SMAP1: variants seen among roughly 807,000 people sequenced by gnomAD.
SMAP1 encodes the protein small ArfGAP 1.
Under a neutral mutation model 58.5 loss-of-function variants are expected in SMAP1, and 24 were observed. The observed-to-expected ratio is 0.41, with a 90% CI of 0.30 to 0.58. The LOEUF (loss-of-function observed/expected upper bound fraction) is 0.58, where lower values mean the gene tolerates loss of function less well. Ranked by LOEUF, SMAP1 falls within the 20% of genes least tolerant of loss-of-function variation. The probability of loss-of-function intolerance (pLI) is 0.29; values close to 1 mark genes in which losing one functional copy is unlikely to be tolerated. For synonymous variants in SMAP1, 216 were observed against 196.6 expected (o/e 1.10, Z -0.82); for missense variants, 563 against 566.3 (o/e 0.99, Z 0.06).
chr6:70,788,428 TACCCTACA>T (rs1768176255), intron 4 of SMAP1, among the ~76,000 whole-genome samples: 1 of 151,896 alleles, frequency 6.6e-6, no homozygotes, highest in African/African-American at 2.4e-5. Context: ...TGTGCGCATG[TACCCTACA>T]ACTTAAAGTG....
chr6:70,768,976 A>G (rs1429729403), intron 3 of SMAP1, among the ~76,000 whole-genome samples: 2 of 152,030 alleles, frequency 1.3e-5, no homozygotes, highest in Non-Finnish European at 2.9e-5. Flanking sequence ...GTTTCAAAGA[A>G]CATCTTTATT....
At chr6:70,793,673 A>AG (rs1768467436) in intron 5 of SMAP1, among the ~76,000 whole-genome samples, 16 of 149,586 alleles carry the variant, frequency 1.1e-4, no homozygotes, top group African/African-American at 1.7e-4. Context: ...AGAGAGAGAG[A>AG]AAGCTTAAAA....
At chr6:70,790,932 A>G (rs1213064471) in intron 4 of SMAP1, among the ~76,000 whole-genome samples, 1 of 152,226 alleles carries the variant, frequency 6.6e-6, no homozygotes, top group Non-Finnish European at 1.5e-5. Flanking sequence ...CTTCCATTAA[A>G]GTGATCAACT....
intron 1 of SMAP1, among the ~76,000 whole-genome samples, chr6:70,724,301 A>G (rs1004763264): frequency 2.0e-5 from 3 of 151,788 alleles, no homozygotes; most frequent in Non-Finnish European, 4.4e-5. Flanking sequence ...GGTTCAAGCA[A>G]TTCTCCTGCC....
Position 70,861,385 on chromosome 6 carries a change from T to C in SMAP1, c.*1051T>C, listed in dbSNP as rs1771720523. On this transcript the variant is annotated 3_prime_UTR_variant, in exon 11 of 11. Transcript: ENST00000370455. ...AAAATATATACTCAAGAGTGGTATC[T>C]TGCAGTATCGGCACTGTACAAAAAA... 7.9e-6 allele frequency: 3 copies of C among 381,488 alleles called. No homozygotes were observed. In the East Asian group the frequency reaches 1.4e-4, roughly 17 times the overall value. 23.6% of individuals were successfully genotyped at this position (381,488 alleles called of 1,614,324 possible).
At chr6:70,815,320 A>G (rs751470171) in intron 6 of SMAP1, among the ~76,000 whole-genome samples, 32 of 152,168 alleles carry the variant, frequency 2.1e-4, no homozygotes, top group Admixed American at 5.2e-4. Context: ...CATAAAATTG[A>G]ACAGTAAATT....
chr6:70,668,013 C>G lies in SMAP1; in HGVS notation c.-11C>G. 2 of 1,582,568 alleles carry G rather than the reference C, an allele frequency of 1.3e-6. No homozygotes were observed. Among genetic ancestry groups the G allele is most frequent in the South Asian group, 1.1e-5 (1 of 87,864 alleles). Reference sequence around the variant, plus strand: ...CCGTAGCTGCCCCAGGCTCCCCGCCCCGCTGCCGAGATGGCGACGCGCTCC... The same window carrying G: ...CCGTAGCTGCCCCAGGCTCCCCGCCGCGCTGCCGAGATGGCGACGCGCTCC... On this transcript the variant is annotated 5_prime_UTR_variant, in exon 1 of 11. Transcript: ENST00000370455.
intron 3 of SMAP1, among the ~76,000 whole-genome samples, chr6:70,766,930 G>A (rs1198767015): frequency 2.0e-5 from 3 of 152,064 alleles, no homozygotes; most frequent in African/African-American, 4.8e-5. Flanking sequence ...TGTATAAGGT[G>A]TAAGGAAGGG....
chr6:70,852,667 A>G lies in SMAP1; in HGVS notation c.789+3A>G, dbSNP rs777188601. On this transcript the variant is annotated splice_donor_region_variant and intron_variant, in intron 8 of 10. Coordinates refer to ENST00000370455, the MANE Select transcript of SMAP1 (RefSeq NM_001044305.3). ...CAACTGTCATGCCCCCAGCTCAGGT[A>G]TGTGATAAGAATATGGTTTTATATG... 6.3e-7 allele frequency: 1 copy of G among 1,587,808 alleles called. No individual in the cohort carries two copies. The highest frequency in any genetic ancestry group is 8.5e-7 in the Non-Finnish European group (1 of 1,169,756).
intron 2 of SMAP1, among the ~76,000 whole-genome samples, chr6:70,744,030 A>G (rs1161695441): frequency 1.3e-5 from 2 of 152,224 alleles, no homozygotes; most frequent in East Asian, 3.8e-4. Context: ...AACTTTAAAT[A>G]AGGTCAGTAA....
At chr6:70,856,424 A>AGGG (rs1771424278) in intron 8 of SMAP1, among the ~76,000 whole-genome samples, 24 of 152,230 alleles carry the variant, frequency 1.6e-4, no homozygotes, top group Admixed American at 1.6e-3. Flanking sequence ...TTTTGAAAAG[A>AGGG]TAAAACCTTT....
chr6:70,841,555 T>G (rs1417133111), intron 7 of SMAP1, among the ~76,000 whole-genome samples: 1 of 152,248 alleles, frequency 6.6e-6, no homozygotes, highest in Non-Finnish European at 1.5e-5. Context: ...TTCTATTCGT[T>G]ACTTTAATCT....
intron 3 of SMAP1, among the ~76,000 whole-genome samples, chr6:70,758,517 T>C (rs753158806): frequency 6.6e-6 from 1 of 151,712 alleles, no homozygotes; most frequent in East Asian, 1.9e-4. Flanking sequence ...ACTTAAAGTA[T>C]AATAAAAATA....
chr6:70,710,514 A>G (rs1768011802), intron 1 of SMAP1, among the ~76,000 whole-genome samples: 1 of 150,958 alleles, frequency 6.6e-6, no homozygotes, highest in Non-Finnish European at 1.5e-5. Context: ...AAAAAAAAAA[A>G]AAGGGTAAAC....
chr6:70,850,670 C>T lies in SMAP1; in HGVS notation c.665-1870C>T, dbSNP rs143435262. ...TTTGCCCATCTCTAACTCTGTAGCT[C>T]ATGAGTTAAATCACCACTGGCTTAT... On this transcript the variant is annotated intron_variant, in intron 7 of 10. Transcript: ENST00000370455. 3.5e-4 allele frequency among the ~76,000 whole-genome samples: 53 copies of T among 152,114 alleles called. No homozygotes were observed. In the East Asian group the frequency reaches 4.2e-3, roughly 12 times the overall value.
chr6:70,680,158 C>G (rs765636104), intron 1 of SMAP1, among the ~76,000 whole-genome samples: 1 of 151,898 alleles, frequency 6.6e-6, no homozygotes, highest in African/African-American at 2.4e-5. Flanking sequence ...TACCTTGAAC[C>G]TTACCTCAGA....
Position 70,861,800 on chromosome 6 carries a change from G to A in SMAP1, c.*1466G>A, listed in dbSNP as rs377368231. On this transcript the variant is annotated 3_prime_UTR_variant, in exon 11 of 11. Coordinates refer to ENST00000370455, the MANE Select transcript of SMAP1 (RefSeq NM_001044305.3). ...TAGCGCACTCTTCATGGTGACACTC[G>A]AGGTCGGGCAGCACAAGTGTAATGA... 25 of 1,614,012 alleles carry A rather than the reference G, an allele frequency of 1.5e-5. No individual in the cohort carries two copies. Among genetic ancestry groups the A allele is most frequent in the South Asian group, 1.1e-4 (10 of 91,062 alleles).
intron 8 of SMAP1, among the ~76,000 whole-genome samples, chr6:70,855,194 C>T (rs1042385532): frequency 1.3e-5 from 2 of 152,016 alleles, no homozygotes; most frequent in African/African-American, 2.4e-5. Context: ...AGAGAGCCTT[C>T]GATTAGATGC....
intron 6 of SMAP1, among the ~76,000 whole-genome samples, chr6:70,802,454 C>G (rs1384435500): frequency 6.6e-6 from 1 of 152,082 alleles, no homozygotes; most frequent in Non-Finnish European, 1.5e-5. Context: ...CATCTGCAAA[C>G]AGGGAGAATT....
Sources: gnomAD v4.1 joint callset for allele counts (sites outside exome capture counted in the v4.1 genomes callset) on GRCh38, gnomAD v4.1.1 for gene constraint, MANE v1.5 for transcripts, NCBI Gene and HGNC (gene_info 2026-07-23, HGNC 2026-07-21) for gene names.